The following OXR1 variants were observed in gnomAD, a reference collection of about 807,000 sequenced individuals.
The protein encoded by OXR1 is oxidation resistance 1, also known as oxidation resistance protein 1.
In OXR1, 41 loss-of-function variants were observed where a neutral mutation model predicts 104.6. The observed-to-expected ratio is 0.39, with a 90% CI of 0.31 to 0.51. The LOEUF is 0.51. Among genes scored for constraint, OXR1 ranks in the 20% least tolerant of loss-of-function variants. The pLI, the probability that OXR1 is intolerant of heterozygous loss-of-function variation, is 0.77. For missense variants in OXR1, 955 were observed against 1,031.9 expected (o/e 0.93, Z 1.02); for synonymous variants, 348 against 348.4 (o/e 1.00, Z 0.01).
chr8:106,283,618 T>C (rs773873668), intron 1 of OXR1, among the ~76,000 whole-genome samples: 1 of 152,218 alleles, frequency 6.6e-6, no homozygotes. Context: ...GTGGAGGTAG[T>C]AGTCAAAGGG....
intron 2 of OXR1, among the ~76,000 whole-genome samples, chr8:106,376,971 T>C (rs1366799613): frequency 1.3e-5 from 2 of 152,240 alleles, no homozygotes; most frequent in Non-Finnish European, 2.9e-5. Flanking sequence ...TTTTTAATTT[T>C]ACCCAGAACT....
intron 2 of OXR1, among the ~76,000 whole-genome samples, chr8:106,504,117 G>C (rs1811997149): frequency 6.6e-6 from 1 of 152,120 alleles, no homozygotes; most frequent in South Asian, 2.1e-4. Flanking sequence ...ACAGATGTTG[G>C]GGAACACAAA....
chr8:106,316,897 T>A (rs568433577), intron 1 of OXR1, among the ~76,000 whole-genome samples: 6 of 152,134 alleles, frequency 3.9e-5, no homozygotes, highest in South Asian at 4.2e-4. Flanking sequence ...AGGGACAGAG[T>A]TTTGCTCCTG....
intron 1 of OXR1, among the ~76,000 whole-genome samples, chr8:106,335,198 C>G (rs961526912): frequency 2.0e-5 from 3 of 152,102 alleles, no homozygotes; most frequent in Admixed American, 6.6e-5. Context: ...AATTTTCAAA[C>G]TCTCACATTA....
At chr8:106,721,835 G>A (rs1194575945) in intron 11 of OXR1, among the ~76,000 whole-genome samples, 8 of 152,066 alleles carry the variant, frequency 5.3e-5, no homozygotes, top group African/African-American at 1.9e-4. Flanking sequence ...TATGTAACCC[G>A]TTCTTAGCAT....
At chr8:106,473,760 G>A (rs1821644260) in intron 2 of OXR1, among the ~76,000 whole-genome samples, 1 of 150,772 alleles carries the variant, frequency 6.6e-6, no homozygotes, top group Admixed American at 6.6e-5. Context: ...TTGCGGTCTT[G>A]TCAGGGACAG....
At chr8:106,309,660 T>C (rs1813616310) in intron 1 of OXR1, among the ~76,000 whole-genome samples, 1 of 151,750 alleles carries the variant, frequency 6.6e-6, no homozygotes, top group Non-Finnish European at 1.5e-5. Context: ...AGATAAAATT[T>C]GTTTTCACAT....
intron 1 of OXR1, among the ~76,000 whole-genome samples, chr8:106,344,686 G>C (rs1031530767): frequency 2.6e-5 from 4 of 152,096 alleles, no homozygotes. Context: ...ATAGGATTCC[G>C]GCCTTTCTCC....
chr8:106,502,802 A>G (rs1346868998), intron 2 of OXR1, among the ~76,000 whole-genome samples: 1 of 152,112 alleles, frequency 6.6e-6, no homozygotes, highest in African/African-American at 2.4e-5. Context: ...GTTTTTTCTA[A>G]TCCCAGGCTC....
In OXR1 at chr8:106,740,585, A is replaced by C. The variant is rs2131574781; in HGVS notation, c.2316+90A>C. Reference sequence around the variant, plus strand: ...TTTATTTGATAAACATTACTTTATTAGTGCATTTTATTGTTTAACTGATAA... The same window carrying C: ...TTTATTTGATAAACATTACTTTATTCGTGCATTTTATTGTTTAACTGATAA... On this transcript the variant is annotated intron_variant, in intron 14 of 16. Coordinates refer to ENST00000517566, the MANE Select transcript of OXR1 (RefSeq NM_001198533.2). 10 of 1,083,774 alleles carry C rather than the reference A, an allele frequency of 9.2e-6. No individual in the cohort carries two copies. The South Asian group carries it at 1.5e-4, about 16-fold the overall frequency. The allele number at this position is 1,083,774 out of a possible 1,614,324, so 67.1% of individuals were successfully genotyped here. A position where few individuals can be genotyped will look rare whatever the true frequency, so the allele number is the denominator to read the frequency against.
intron 3 of OXR1, chr8:106,581,256 G>A: frequency 2.3e-6 from 3 of 1,286,576 alleles, no homozygotes; most frequent in Non-Finnish European, 3.0e-6. Context: ...TGAGAAGTAA[G>A]TTTCTGAAAT....
At chr8:106,671,044 C>CAAAAAAAACAAAAACAAAAAAAAAAAAA (rs1826902856) in intron 3 of OXR1, among the ~76,000 whole-genome samples, 1 of 48,926 alleles carries the variant, frequency 2.0e-5, no homozygotes. Flanking sequence ...GACTCTGTCT[C>CAAAAAAAACAAAAACAAAAAAAAAAAAA]AAAAAAAAAA....
chr8:106,474,433 T>C (rs979839640), intron 2 of OXR1, among the ~76,000 whole-genome samples: 5 of 151,876 alleles, frequency 3.3e-5, no homozygotes, highest in Non-Finnish European at 5.9e-5. Context: ...CTCAAGAAGG[T>C]ATGTCAAGGG....
At chr8:106,339,519 AATATATATATATAT>A (rs756741127) in intron 1 of OXR1, among the ~76,000 whole-genome samples, 1,565 of 33,110 alleles carry the variant, frequency 0.047, 101 homozygotes, top group African/African-American at 0.12. Flanking sequence ...AAAAAAAAAA[AATATATATATATAT>A]ATATATATAT....
intron 3 of OXR1, among the ~76,000 whole-genome samples, chr8:106,650,310 C>T (rs543781277): frequency 5.9e-5 from 9 of 152,270 alleles, no homozygotes; most frequent in East Asian, 1.9e-4. Flanking sequence ...TTTCCCATTA[C>T]GCTGCTAGTA....
At chr8:106,460,295 A>T (rs935050284) in intron 2 of OXR1, among the ~76,000 whole-genome samples, 1 of 152,310 alleles carries the variant, frequency 6.6e-6, no homozygotes, top group African/African-American at 2.4e-5. Context: ...TATCCTTTAA[A>T]AGCTGCCTTT....
At chr8:106,739,906 C>T (rs536078821) in intron 13 of OXR1, among the ~76,000 whole-genome samples, 230 of 152,184 alleles carry the variant, frequency 1.5e-3, no homozygotes, top group Middle Eastern at 3.4e-3. Context: ...GTTAAAAAAT[C>T]GGGAGCACAG....
At chr8:106,734,367 A>C (rs1246374309) in intron 11 of OXR1, among the ~76,000 whole-genome samples, 1 of 152,204 alleles carries the variant, frequency 6.6e-6, no homozygotes, top group East Asian at 1.9e-4. Context: ...TCAGAATTAT[A>C]TTTCCTTCTT....
At chr8:106,401,266 T>C (rs1051472757) in intron 2 of OXR1, among the ~76,000 whole-genome samples, 19 of 152,134 alleles carry the variant, frequency 1.2e-4, no homozygotes, top group Admixed American at 1.3e-4. Context: ...GAAAAAAAGC[T>C]GTAGTGGTGC....
Sources: allele counts gnomAD v4.1 joint callset (sites outside exome capture counted in the v4.1 genomes callset), GRCh38; gene constraint gnomAD v4.1.1; transcripts MANE v1.5; gene names NCBI Gene and HGNC (gene_info 2026-07-23, HGNC 2026-07-21).